Variants in CACNA2D3 observed in about 807,000 individuals in gnomAD.
CACNA2D3 encodes voltage-dependent calcium channel subunit alpha-2/delta-3.
In CACNA2D3, 60 loss-of-function variants were observed where a neutral mutation model predicts 160.6. The ratio of observed to expected loss-of-function variants is 0.37; its 90% confidence interval spans 0.30 to 0.46. The LOEUF is 0.46. Among genes scored for constraint, CACNA2D3 ranks in the 20% least tolerant of loss-of-function variants. The pLI is 1.00. For synonymous variants in CACNA2D3, 558 were observed against 492.9 expected (o/e 1.13, Z -1.75); for missense variants, 1,205 against 1,365.0 (o/e 0.88, Z 1.85).
At chr3:54,839,615 C>T (rs191249213) in intron 16 of CACNA2D3, among the ~76,000 whole-genome samples, 28 of 152,302 alleles carry the variant, frequency 1.8e-4, no homozygotes, top group Admixed American at 9.1e-4. Flanking sequence ...CTCTTTGTCT[C>T]CATCTAAAGG....
At chr3:54,859,971 T>TGCACAC (rs1699251976) in intron 17 of CACNA2D3, among the ~76,000 whole-genome samples, 1 of 61,174 alleles carries the variant, frequency 1.6e-5, no homozygotes, top group African/African-American at 9.5e-5. Flanking sequence ...GGAAAGTAGA[T>TGCACAC]GCACACACAC....
At chr3:54,709,234 C>T (rs997819831) in intron 11 of CACNA2D3, among the ~76,000 whole-genome samples, 21 of 151,992 alleles carry the variant, frequency 1.4e-4, no homozygotes, top group African/African-American at 4.1e-4. Flanking sequence ...AGGCTGGTCT[C>T]GAACTGCTGA....
At chr3:54,633,286 C>G (rs1443211406) in intron 10 of CACNA2D3, among the ~76,000 whole-genome samples, 2 of 152,156 alleles carry the variant, frequency 1.3e-5, no homozygotes, top group African/African-American at 2.4e-5. Flanking sequence ...GCTTGATGGT[C>G]TGGATTCAAA....
At chr3:54,590,172 A>T (rs991964606) in intron 9 of CACNA2D3, among the ~76,000 whole-genome samples, 7 of 152,216 alleles carry the variant, frequency 4.6e-5, no homozygotes, top group African/African-American at 1.7e-4. Context: ...TCAATGACTG[A>T]ATGGTTAAAC....
chr3:54,478,403 C>A (rs549933071), intron 4 of CACNA2D3, among the ~76,000 whole-genome samples: 2 of 151,664 alleles, frequency 1.3e-5, no homozygotes, highest in East Asian at 1.9e-4. Flanking sequence ...GAGGCCAAGG[C>A]GGGAAGATCA....
At chr3:54,612,815 C>T (rs2106791226) in intron 9 of CACNA2D3, among the ~76,000 whole-genome samples, 1 of 152,296 alleles carries the variant, frequency 6.6e-6, no homozygotes, top group African/African-American at 2.4e-5. Flanking sequence ...CTTAGTTTTT[C>T]AGCCAGCTGA....
intron 35 of CACNA2D3, among the ~76,000 whole-genome samples, chr3:55,070,525 A>G (rs1378428551): frequency 2.0e-5 from 3 of 152,140 alleles, no homozygotes; most frequent in Admixed American, 6.5e-5. Flanking sequence ...GCGGTCACCT[A>G]TCTCTTCTTT....
At chr3:54,971,307 T>G (rs777001362) in intron 29 of CACNA2D3, among the ~76,000 whole-genome samples, 12 of 152,302 alleles carry the variant, frequency 7.9e-5, no homozygotes, top group Non-Finnish European at 1.3e-4. Flanking sequence ...TTTGAGACAT[T>G]TATTGTCTTA....
Position 54,717,761 on chromosome 3 carries a change from CGTGTGTGTG to C in CACNA2D3, c.1168-34828_1168-34820del, listed in dbSNP as rs1229838301. Among the ~76,000 whole-genome samples the C allele has an allele frequency of 3.3e-3, 284 of 87,098 alleles. 3 individuals are homozygous for C. Among genetic ancestry groups the C allele is most frequent in the African/African-American group, 0.012 (271 of 23,074 alleles). 57.1% of individuals were successfully genotyped at this position (87,098 alleles called of 152,430 possible). Reference sequence around the variant, plus strand: ...GCATGTGTGGTGTGGTGTGTGCAAGCGTGTGTGTGGTGTGTGTGCATGTGCGTGTGTGGT... The same window carrying C: ...GCATGTGTGGTGTGGTGTGTGCAAGCGTGTGTGTGCATGTGCGTGTGTGGT... On this transcript the variant is annotated intron_variant, in intron 11 of 37. Transcript: ENST00000474759.
At chr3:54,436,409 C>G (rs941572128) in intron 4 of CACNA2D3, among the ~76,000 whole-genome samples, 3 of 152,072 alleles carry the variant, frequency 2.0e-5, no homozygotes, top group Admixed American at 6.5e-5. Flanking sequence ...ACCATTTGAC[C>G]CAGCAATGCC....
At chr3:54,460,154 C>T (rs1325051390) in intron 4 of CACNA2D3, among the ~76,000 whole-genome samples, 1 of 151,636 alleles carries the variant, frequency 6.6e-6, no homozygotes, top group Non-Finnish European at 1.5e-5. Context: ...GGTACCAGTA[C>T]CATGCTGTTT....
intron 13 of CACNA2D3, among the ~76,000 whole-genome samples, chr3:54,811,448 C>T (rs1471104690): frequency 7.0e-6 from 1 of 143,416 alleles, no homozygotes; most frequent in Non-Finnish European, 1.5e-5. Context: ...GTGTGCTGAT[C>T]CTGTTCTCCC....
rs556991126 is a variant in CACNA2D3 at position 54,449,229 on chromosome 3, G to A, written c.382-54263G>A. On this transcript the variant is annotated intron_variant, in intron 4 of 37. Coordinates refer to ENST00000474759, the MANE Select transcript of CACNA2D3 (RefSeq NM_018398.3). ...ATGGACAAACCACAAGAGAGAGAGC[G>A]CTCTGGCTTCATTTGATACAAACAA... Among the ~76,000 whole-genome samples the A allele has an allele frequency of 3.9e-4, 59 of 152,174 alleles. 1 individual carries two copies. Among genetic ancestry groups the A allele is most frequent in the Admixed American group, 2.2e-3 (34 of 15,290 alleles).
chr3:54,953,528 A>G (rs1385815105), intron 27 of CACNA2D3, among the ~76,000 whole-genome samples: 1 of 152,168 alleles, frequency 6.6e-6, no homozygotes, highest in South Asian at 2.1e-4. Flanking sequence ...CGTAGAGGAA[A>G]AGTACCAGTC....
Position 54,846,388 on chromosome 3 carries a change from T to C in CACNA2D3, c.1552-5T>C. ...TGAAGGTTTCTTTCTTGCTTCCTCT[T>C]ACAGTTAGGGATTCACGGTTATGCC... On this transcript the variant is annotated splice_polypyrimidine_tract_variant and splice_region_variant and intron_variant, in intron 16 of 37. Coordinates refer to ENST00000474759, the MANE Select transcript of CACNA2D3 (RefSeq NM_018398.3). 6.3e-7 allele frequency: 1 copy of C among 1,596,900 alleles called. No individual in the cohort carries two copies. Among genetic ancestry groups the C allele is most frequent in the Non-Finnish European group, 8.6e-7 (1 of 1,169,156 alleles).
Position 54,788,481 on chromosome 3 carries a change from C to T in CACNA2D3, c.1380+24130C>T, listed in dbSNP as rs557783147. Among the ~76,000 whole-genome samples the T allele has an allele frequency of 4.6e-5, 7 of 152,216 alleles. No homozygotes were observed. The East Asian group carries it at 1.2e-3, about 25-fold the overall frequency. On this transcript the variant is annotated intron_variant, in intron 13 of 37. Transcript: ENST00000474759. ...TTCCTCTTAGTATCCATTCAAGGAG[C>T]CAGTCGGAGGTGTCCAAAAAATCAC...
At chr3:54,386,639 G>A (rs948806409) in intron 3 of CACNA2D3, 76 bp from the exon 4 acceptor site, 1 of 1,324,352 alleles carries the variant, frequency 7.6e-7, no homozygotes, top group Non-Finnish European at 1.0e-6. Flanking sequence ...TGTCACTTTT[G>A]GTCAATGGAG....
chr3:54,379,217 C>T (rs1055961027), intron 3 of CACNA2D3, among the ~76,000 whole-genome samples: 2 of 152,148 alleles, frequency 1.3e-5, no homozygotes, highest in Non-Finnish European at 2.9e-5. Flanking sequence ...AAATGTTTGC[C>T]ATTTTTAAAG....
chr3:54,661,327 T>A (rs1435641753), intron 11 of CACNA2D3, among the ~76,000 whole-genome samples: 2 of 152,142 alleles, frequency 1.3e-5, no homozygotes, highest in Admixed American at 6.5e-5. Context: ...ATCACTTTAA[T>A]TTTGCTTTCA....
Sources: allele counts gnomAD v4.1 joint callset (sites outside exome capture counted in the v4.1 genomes callset), GRCh38; gene constraint gnomAD v4.1.1; transcripts MANE v1.5; gene names NCBI Gene and HGNC (gene_info 2026-07-23, HGNC 2026-07-21).